Variants in DCLK2 observed in about 807,000 individuals in gnomAD.
The protein encoded by DCLK2 is doublecortin like kinase 2.
A neutral mutation model predicts 78.4 loss-of-function variants in DCLK2; 31 were observed. That is an observed-to-expected ratio of 0.40 (90% CI 0.30 to 0.53). The LOEUF (loss-of-function observed/expected upper bound fraction) is 0.53, where lower values mean the gene tolerates loss of function less well. Ranked by LOEUF, DCLK2 falls within the 20% of genes least tolerant of loss-of-function variation. DCLK2 has a pLI of 0.61. For synonymous variants in DCLK2, 407 were observed against 374.9 expected, an observed-to-expected ratio of 1.09 and a Z score of -0.99; for missense variants, 872 against 973.7, an observed-to-expected ratio of 0.90 and a Z score of 1.39.
At position 150,240,745 on chromosome 4, in the gene DCLK2, A is replaced by G. The variant is rs141876231; in HGVS notation, c.1778+269A>G. On this transcript the variant is annotated intron_variant, in intron 12 of 15. Transcript: ENST00000296550. ...GCACATGTACCCTAAAACTTAAAATATAATAAAAAAAAAAAAAGAAAAAGA... is the reference window on the plus strand; with the variant it reads ...GCACATGTACCCTAAAACTTAAAATGTAATAAAAAAAAAAAAAGAAAAAGA... 5.2e-3 allele frequency among the ~76,000 whole-genome samples: 654 copies of G among 125,844 alleles called. 8 individuals carry two copies. The highest frequency in any genetic ancestry group is 0.017 in the African/African-American group (616 of 35,794). The allele number at this position is 125,844 out of a possible 152,430, so 82.6% of individuals were successfully genotyped here.
rs78010390 is a variant in DCLK2 at position 150,105,177 on chromosome 4, T to C, written c.756+2365T>C. Reference sequence around the variant, plus strand: ...ACTAAAAGTATGTCAATAGTTATGTTGAAATGGGAACAGATTTTCTAAGCA... The same window carrying C: ...ACTAAAAGTATGTCAATAGTTATGTCGAAATGGGAACAGATTTTCTAAGCA... On this transcript the variant is annotated intron_variant, in intron 2 of 15. Coordinates refer to ENST00000296550, the MANE Select transcript of DCLK2 (RefSeq NM_001040260.4). Among the ~76,000 whole-genome samples, 141 of 152,220 alleles carry C rather than the reference T, an allele frequency of 9.3e-4. 5 individuals carry two copies. In the East Asian group the frequency reaches 0.023, roughly 24 times the overall value.
At chr4:150,149,506 T>C (rs146965811) in intron 2 of DCLK2, among the ~76,000 whole-genome samples, 11 of 152,264 alleles carry the variant, frequency 7.2e-5, no homozygotes, top group Non-Finnish European at 1.5e-4. Context: ...ATAGAGAGCA[T>C]TGTGGAGAGA....
chr4:150,079,377 C>A lies in DCLK2; in HGVS notation c.350C>A (p.Pro117His). Residue 117 changes from proline (P) to histidine (H), a missense_variant, in exon 1 of 16, where the codon CCC (proline) becomes CAC (histidine). By Grantham distance (77) the Pro-to-His change is moderately conservative. Coordinates refer to ENST00000296550, the MANE Select transcript of DCLK2 (RefSeq NM_001040260.4). ...TRSLSDNVNLPQGVRTIYTID... is the reference protein window; with the variant it reads ...TRSLSDNVNLHQGVRTIYTID... ...TCCCTGTCGGACAACGTGAACCTGC[C>A]CCAGGGTGTCCGCACTATCTACACC... The A allele has an allele frequency of 6.3e-7, 1 of 1,588,852 alleles. No individual in the cohort carries two copies.
intron 2 of DCLK2, among the ~76,000 whole-genome samples, chr4:150,155,087 C>T (rs1346493881): frequency 6.6e-6 from 1 of 152,050 alleles, no homozygotes; most frequent in East Asian, 1.9e-4. Flanking sequence ...AAAAAATTAG[C>T]TGGGTGTGGT....
At chr4:150,176,174 C>T (rs977758619) in intron 2 of DCLK2, among the ~76,000 whole-genome samples, 1 of 152,198 alleles carries the variant, frequency 6.6e-6, no homozygotes, top group African/African-American at 2.4e-5. Context: ...CCATAGCCAT[C>T]TCCATGCCTA....
chr4:150,217,365 C>T (rs1740799415), intron 5 of DCLK2, among the ~76,000 whole-genome samples: 1 of 152,178 alleles, frequency 6.6e-6, no homozygotes, highest in Non-Finnish European at 1.5e-5. Context: ...TTACTGAATA[C>T]TCAGCTTTTC....
chr4:150,227,829 C>G (rs912501549), intron 8 of DCLK2, among the ~76,000 whole-genome samples: 6 of 152,282 alleles, frequency 3.9e-5, no homozygotes, highest in Admixed American at 1.3e-4. Context: ...TCTACATGGG[C>G]CCAGGCAGGA....
intron 5 of DCLK2, among the ~76,000 whole-genome samples, chr4:150,212,829 C>CATTATTCA (rs1334073931): frequency 3.9e-5 from 6 of 152,216 alleles, no homozygotes; most frequent in Admixed American, 3.9e-4. Context: ...TTAAATGCCC[C>CATTATTCA]ATTATTCATG....
chr4:150,099,782 A>G (rs1378557034), intron 1 of DCLK2, among the ~76,000 whole-genome samples: 1 of 152,172 alleles, frequency 6.6e-6, no homozygotes, highest in Non-Finnish European at 1.5e-5. Context: ...GGGTGAGGCT[A>G]TTGAACTGTT....
At chr4:150,121,619 T>G (rs1438875003) in intron 2 of DCLK2, among the ~76,000 whole-genome samples, 1 of 152,244 alleles carries the variant, frequency 6.6e-6, no homozygotes, top group East Asian at 1.9e-4. Flanking sequence ...TTAATGTTGA[T>G]ATGTTGTTGA....
At chr4:150,118,785 G>A (rs1224089700) in intron 2 of DCLK2, among the ~76,000 whole-genome samples, 1 of 152,140 alleles carries the variant, frequency 6.6e-6, no homozygotes, top group South Asian at 2.1e-4. Flanking sequence ...TCCTGGCCAG[G>A]CTGGTCATGA....
At chr4:150,232,106 CT>C (rs1443140686) in intron 8 of DCLK2, among the ~76,000 whole-genome samples, 1 of 152,122 alleles carries the variant, frequency 6.6e-6, no homozygotes, top group Non-Finnish European at 1.5e-5. Context: ...ACCATGGAGC[CT>C]TTTGGGGGAT....
intron 2 of DCLK2, among the ~76,000 whole-genome samples, chr4:150,159,461 C>T (rs1735548022): frequency 6.6e-6 from 1 of 152,200 alleles, no homozygotes; most frequent in South Asian, 2.1e-4. Flanking sequence ...CACTTTGAAA[C>T]CTGACACAGT....
chr4:150,103,556 T>G (rs898472267), intron 2 of DCLK2, among the ~76,000 whole-genome samples: 3 of 151,544 alleles, frequency 2.0e-5, no homozygotes, highest in African/African-American at 7.3e-5. Flanking sequence ...GTTAAATTGT[T>G]TATATTTACA....
chr4:150,172,263 G>A (rs1233913777), intron 2 of DCLK2, among the ~76,000 whole-genome samples: 1 of 152,114 alleles, frequency 6.6e-6, no homozygotes, highest in Non-Finnish European at 1.5e-5. Flanking sequence ...GTGCCCATAT[G>A]CAGCAGCTCT....
intron 2 of DCLK2, among the ~76,000 whole-genome samples, chr4:150,146,313 T>C (rs866788706): frequency 4.6e-5 from 7 of 152,360 alleles, no homozygotes; most frequent in African/African-American, 1.7e-4. Context: ...CAGGTTCAAC[T>C]TCAGCTCTCT....
intron 5 of DCLK2, among the ~76,000 whole-genome samples, chr4:150,213,893 C>T (rs1740492411): frequency 6.6e-6 from 1 of 152,188 alleles, no homozygotes; most frequent in African/African-American, 2.4e-5. Flanking sequence ...CGCCAAGAAG[C>T]TCTTGGGCTC....
intron 4 of DCLK2, among the ~76,000 whole-genome samples, chr4:150,198,688 A>G (rs913323055): frequency 6.6e-6 from 1 of 152,170 alleles, no homozygotes; most frequent in Non-Finnish European, 1.5e-5. Context: ...AACATACATA[A>G]ATATCTTCAT....
chr4:150,172,951 A>C (rs1318470598), intron 2 of DCLK2, among the ~76,000 whole-genome samples: 2 of 152,112 alleles, frequency 1.3e-5, no homozygotes, highest in Non-Finnish European at 2.9e-5. Flanking sequence ...TAGAGAATCC[A>C]CTTAATTTCT....
Sources: allele counts gnomAD v4.1 joint callset (sites outside exome capture counted in the v4.1 genomes callset), GRCh38; gene constraint gnomAD v4.1.1; transcripts MANE v1.5; gene names NCBI Gene and HGNC (gene_info 2026-07-23, HGNC 2026-07-21).